Variants in NDUFAF6 observed in about 807,000 individuals in gnomAD.
The protein encoded by NDUFAF6 is NADH dehydrogenase (ubiquinone) complex I, assembly factor 6.
Under a neutral mutation model 40.8 loss-of-function variants are expected in NDUFAF6, and 45 were observed. The ratio of observed to expected loss-of-function variants is 1.10; its 90% confidence interval spans 0.87 to 1.42. The LOEUF is 1.42. NDUFAF6 is among the 40% of genes most tolerant of loss of function. NDUFAF6 has a pLI of 0.00. For missense variants in NDUFAF6, 435 were observed against 418.5 expected, an observed-to-expected ratio of 1.04 and a Z score of -0.34; for synonymous variants, 185 against 155.9, an observed-to-expected ratio of 1.19 and a Z score of -1.39.
chr8:95,023,155 G>A (rs1190089977), upstream of NDUFAF6: 1 of 152,094 alleles, frequency 6.6e-6, no homozygotes, highest in Admixed American at 6.5e-5. Context: ...TGAATTTTAT[G>A]TTTCCTTTTA....
intron 1 of NDUFAF6, among the ~76,000 whole-genome samples, chr8:94,900,747 G>T (rs1817963972): frequency 3.9e-5 from 6 of 152,288 alleles, no homozygotes; most frequent in Middle Eastern, 3.4e-3. Context: ...TTGGACTGGG[G>T]AACAGAGGAT....
At chr8:95,104,512 C>G (rs1278389471), downstream of NDUFAF6, among the ~76,000 whole-genome samples, 3 of 152,198 alleles carry the variant, frequency 2.0e-5, no homozygotes, top group South Asian at 2.1e-4. Flanking sequence ...CCTTTAAACA[C>G]AAAGGTACTG....
At chr8:95,009,570 C>T (rs965330149) in intron 2 of NDUFAF6, among the ~76,000 whole-genome samples, 9 of 152,018 alleles carry the variant, frequency 5.9e-5, no homozygotes, top group African/African-American at 2.2e-4. Flanking sequence ...ATAACAGCAA[C>T]GGAGAAAGGT....
At chr8:95,029,929 T>G (rs1828635633) in intron 1 of NDUFAF6, among the ~76,000 whole-genome samples, 1 of 152,180 alleles carries the variant, frequency 6.6e-6, no homozygotes, top group Non-Finnish European at 1.5e-5. Context: ...ATGTTAATTA[T>G]AAGCAAGAAG....
At chr8:95,038,360 G>A (rs1359080827) in intron 3 of NDUFAF6, among the ~76,000 whole-genome samples, 2 of 151,794 alleles carry the variant, frequency 1.3e-5, no homozygotes, top group Admixed American at 6.6e-5. Context: ...AAAAAATTTA[G>A]CGAATATTTT....
intron 1 of NDUFAF6, among the ~76,000 whole-genome samples, chr8:94,921,686 T>G (rs1410650647): frequency 6.6e-6 from 1 of 152,216 alleles, no homozygotes; most frequent in East Asian, 1.9e-4. Context: ...AACTTTAAAA[T>G]GCAAAGAAAC....
chr8:94,970,779 A>G lies in NDUFAF6; in HGVS notation c.-198-10080A>G, dbSNP rs557782736. On this transcript the variant is annotated intron_variant, in intron 1 of 9. Transcript: ENST00000396111. The stretch of plus-strand genomic sequence containing the variant: ...TTTAAAAAGCAGGATTGTAAATTGT[A>G]TATACCTTTTCTTCTCACCTATGGG... Among the ~76,000 whole-genome samples, 6 of 152,350 alleles carry G rather than the reference A, an allele frequency of 3.9e-5. No homozygotes were observed. In the South Asian group the frequency reaches 1.2e-3, roughly 32 times the overall value.
rs374961792 is a variant in NDUFAF6 at position 95,016,610 on chromosome 8, C to T, written c.-83-15385C>T. ...TACAAAAATTAGCTGGGCCTGGTGGCGTGTGCCTGTAGTCCCAGCTACTTG... is the reference window on the plus strand; with the variant it reads ...TACAAAAATTAGCTGGGCCTGGTGGTGTGTGCCTGTAGTCCCAGCTACTTG... On this transcript the variant is annotated intron_variant, in intron 2 of 9. Transcript: ENST00000396111. Among the ~76,000 whole-genome samples the T allele has an allele frequency of 6.7e-4, 102 of 152,216 alleles. No homozygotes were observed. In the East Asian group the frequency reaches 0.017, roughly 26 times the overall value.
At chr8:94,924,043 A>G (rs1333811059) in intron 1 of NDUFAF6, among the ~76,000 whole-genome samples, 1 of 150,838 alleles carries the variant, frequency 6.6e-6, no homozygotes, top group Admixed American at 6.6e-5. Context: ...AGCAGTTCAT[A>G]AAGCTCTTCC....
At chr8:95,054,379 C>T (rs1350913182) in intron 8 of NDUFAF6, among the ~76,000 whole-genome samples, 1 of 151,898 alleles carries the variant, frequency 6.6e-6, no homozygotes, top group African/African-American at 2.4e-5. Context: ...TCTTGGGCTC[C>T]CTCACAGACC....
At chr8:95,099,264 G>A (rs1809576800), upstream of NDUFAF6, among the ~76,000 whole-genome samples, 1 of 151,558 alleles carries the variant, frequency 6.6e-6, no homozygotes, top group African/African-American at 2.4e-5. Context: ...AACAAAAGCT[G>A]GCGTCTCTTT....
At chr8:94,972,481 T>G (rs1824548094) in intron 1 of NDUFAF6, among the ~76,000 whole-genome samples, 2 of 152,140 alleles carry the variant, frequency 1.3e-5, no homozygotes, top group Non-Finnish European at 2.9e-5. Flanking sequence ...TCAAGTGATC[T>G]GCCCGCCTCA....
At chr8:95,016,137 C>T (rs1827435493) in intron 2 of NDUFAF6, among the ~76,000 whole-genome samples, 1 of 148,314 alleles carries the variant, frequency 6.7e-6, no homozygotes, top group African/African-American at 2.5e-5. Flanking sequence ...TCCGATTGTG[C>T]CTTACATATA....
chr8:95,071,702 G>T (rs1832868779), intron 9 of NDUFAF6: 1 of 152,248 alleles, frequency 6.6e-6, no homozygotes, highest in East Asian at 1.9e-4. Flanking sequence ...TCCTCATTAG[G>T]TAACAATTTG....
intron 3 of NDUFAF6, chr8:95,036,217 A>G (rs1368809608): frequency 2.7e-5 from 30 of 1,102,004 alleles, no homozygotes; most frequent in African/African-American, 3.3e-5. Context: ...GCAGCCACAC[A>G]TGGCTTAGAA....
intron 2 of NDUFAF6, among the ~76,000 whole-genome samples, chr8:95,088,727 G>GTGTT (rs1554690596): frequency 9.2e-6 from 1 of 109,260 alleles, no homozygotes; most frequent in Admixed American, 9.9e-5. Flanking sequence ...GTGTGTGTGT[G>GTGTT]TTTTCTTTTT....
chr8:95,066,287 C>CT (rs11302193), intron 9 of NDUFAF6, among the ~76,000 whole-genome samples: 2,146 of 82,774 alleles, frequency 0.026, 70 homozygotes, highest in African/African-American at 0.053. Context: ...TGCTTGCTTG[C>CT]TTTTTTTTTT....
chr8:95,081,949 C>A (rs1041957207), intron 2 of NDUFAF6, among the ~76,000 whole-genome samples: 1 of 152,120 alleles, frequency 6.6e-6, no homozygotes, highest in Non-Finnish European at 1.5e-5. Flanking sequence ...ACCTGTAATC[C>A]CAGCTATGGG....
At chr8:95,011,174 C>T (rs1056827932) in intron 2 of NDUFAF6, among the ~76,000 whole-genome samples, 1 of 152,130 alleles carries the variant, frequency 6.6e-6, no homozygotes, top group Admixed American at 6.5e-5. Flanking sequence ...CAGAGAAGCA[C>T]CAGGGCCTTC....
Sources: gnomAD v4.1 joint callset for allele counts (sites outside exome capture counted in the v4.1 genomes callset) on GRCh38, gnomAD v4.1.1 for gene constraint, MANE v1.5 for transcripts, NCBI Gene and HGNC (gene_info 2026-07-23, HGNC 2026-07-21) for gene names.